The following MAST4 variants were observed in gnomAD, a reference collection of about 807,000 sequenced individuals.
MAST4 encodes the protein microtubule-associated serine/threonine-protein kinase 4.
A neutral mutation model predicts 162.7 loss-of-function variants in MAST4; 89 were observed. That is an observed-to-expected ratio of 0.55 (90% CI 0.46 to 0.65). MAST4 has a LOEUF of 0.65. Among genes scored for constraint, MAST4 ranks in the 30% least tolerant of loss-of-function variants. The probability of loss-of-function intolerance (pLI) is 0.00; values close to 1 mark genes in which losing one functional copy is unlikely to be tolerated. For missense variants in MAST4, 3,153 were observed against 3,374.0 expected (o/e 0.93, Z 1.62); for synonymous variants, 1,479 against 1,361.1 (o/e 1.09, Z -1.91).
intron 1 of MAST4, among the ~76,000 whole-genome samples, chr5:66,693,880 T>A (rs1437791135): frequency 6.6e-6 from 1 of 152,122 alleles, no homozygotes; most frequent in Non-Finnish European, 1.5e-5. Flanking sequence ...AAAGTTGTAG[T>A]GATCACACAA....
chr5:66,886,720 G>C (rs999737008), intron 3 of MAST4, among the ~76,000 whole-genome samples: 1 of 149,640 alleles, frequency 6.7e-6, no homozygotes, highest in Non-Finnish European at 1.5e-5. Flanking sequence ...GAAGAACTTG[G>C]TTAGTGTAAT....
intron 1 of MAST4, among the ~76,000 whole-genome samples, chr5:66,639,607 T>C (rs1454713540): frequency 2.0e-5 from 3 of 152,274 alleles, no homozygotes; most frequent in Admixed American, 1.3e-4. Context: ...TCAAATGCTT[T>C]TAATAATCAT....
chr5:66,977,482 T>G (rs1312461607), intron 4 of MAST4, among the ~76,000 whole-genome samples: 1 of 152,202 alleles, frequency 6.6e-6, no homozygotes, highest in Non-Finnish European at 1.5e-5. Context: ...ACTCAGAGCA[T>G]TTAATTTTTT....
At chr5:66,937,186 G>A (rs1742839054) in intron 4 of MAST4, among the ~76,000 whole-genome samples, 1 of 152,128 alleles carries the variant, frequency 6.6e-6, no homozygotes, top group Non-Finnish European at 1.5e-5. Context: ...TGCACATTTA[G>A]GTGTGAAAAA....
chr5:67,146,450 T>C (rs1038610490), intron 23 of MAST4, among the ~76,000 whole-genome samples: 9 of 152,212 alleles, frequency 5.9e-5, no homozygotes, highest in African/African-American at 2.2e-4. Flanking sequence ...TTATGCTTTT[T>C]CAAAAAATGA....
chr5:66,918,831 T>C (rs1190710998), intron 4 of MAST4, among the ~76,000 whole-genome samples: 1 of 152,176 alleles, frequency 6.6e-6, no homozygotes, highest in Non-Finnish European at 1.5e-5. Context: ...TTGAATGATA[T>C]ATATAATGAA....
chr5:66,910,787 T>C (rs1440615275), intron 4 of MAST4, among the ~76,000 whole-genome samples: 4 of 138,596 alleles, frequency 2.9e-5, no homozygotes, highest in Non-Finnish European at 6.1e-5. Flanking sequence ...AATCTCACTC[T>C]GTCACCAGGC....
chr5:67,162,937 T>A lies in MAST4; in HGVS notation c.3967+149T>A, dbSNP rs548720635. 3.0e-4 allele frequency: 308 copies of A among 1,011,732 alleles called. No homozygotes were observed. In the African/African-American group the frequency reaches 4.5e-3, roughly 15 times the overall value. The allele number at this position is 1,011,732 out of a possible 1,614,324, so 62.7% of individuals were successfully genotyped here. A position where few individuals can be genotyped will look rare whatever the true frequency, so the allele number is the denominator to read the frequency against. ...AGATTTATAGAGAGGTCATAAGATG[T>A]GGCTATTCTGACCAAACAAATAAGT... is the stretch of plus-strand genomic sequence containing the variant. On this transcript the variant is annotated intron_variant, in intron 28 of 28. Coordinates refer to ENST00000403625, the MANE Select transcript of MAST4 (RefSeq NM_001164664.2).
At chr5:66,950,653 A>G (rs773937258) in intron 4 of MAST4, among the ~76,000 whole-genome samples, 21 of 152,160 alleles carry the variant, frequency 1.4e-4, no homozygotes, top group Admixed American at 2.6e-4. Flanking sequence ...ATTCTATTGT[A>G]TGGGTAATAC....
In MAST4 at chr5:67,102,694, G is replaced by A. The variant is rs1349384343; in HGVS notation, c.1146+83G>A. On this transcript the variant is annotated intron_variant, in intron 9 of 28. Coordinates refer to ENST00000403625, the MANE Select transcript of MAST4 (RefSeq NM_001164664.2). ...AGTCTGTAAGGTTGTTTTGTTATAGGAAGTAAGGGTCCAATCTAGTAATGA... is the reference window on the plus strand; with the variant it reads ...AGTCTGTAAGGTTGTTTTGTTATAGAAAGTAAGGGTCCAATCTAGTAATGA... The A allele has an allele frequency of 9.4e-6, 10 of 1,065,426 alleles. No individual in the cohort carries two copies. The Admixed American group carries it at 1.8e-4, about 19-fold the overall frequency. The allele number at this position is 1,065,426 out of a possible 1,614,324, so 66.0% of individuals were successfully genotyped here.
intron 4 of MAST4, among the ~76,000 whole-genome samples, chr5:67,035,224 A>G (rs1046389972): frequency 2.6e-5 from 4 of 152,150 alleles, no homozygotes; most frequent in Admixed American, 2.0e-4. Context: ...CGTTGCTGTG[A>G]CTACTCAAGG....
At chr5:66,797,837 T>C (rs1334924879) in intron 3 of MAST4, among the ~76,000 whole-genome samples, 1 of 152,086 alleles carries the variant, frequency 6.6e-6, no homozygotes, top group Non-Finnish European at 1.5e-5. Flanking sequence ...TAGATAAAGG[T>C]GGACAGTGCA....
chr5:66,746,036 T>C (rs1752739042), intron 1 of MAST4, among the ~76,000 whole-genome samples: 1 of 152,162 alleles, frequency 6.6e-6, no homozygotes, highest in Admixed American at 6.5e-5. Flanking sequence ...GCACCAGTCA[T>C]CTTTCTAAAT....
chr5:66,988,475 A>T (rs1749744054), intron 4 of MAST4, among the ~76,000 whole-genome samples: 1 of 152,202 alleles, frequency 6.6e-6, no homozygotes, highest in African/African-American at 2.4e-5. Flanking sequence ...TAACAGTAAC[A>T]TGACTAACAT....
chr5:66,611,286 C>T (rs908484459), intron 1 of MAST4, among the ~76,000 whole-genome samples: 5 of 152,198 alleles, frequency 3.3e-5, no homozygotes, highest in Admixed American at 6.5e-5. Flanking sequence ...GTTCCAGCGG[C>T]GACCTTACAC....
At chr5:66,846,894 T>G (rs1758893497) in intron 3 of MAST4, among the ~76,000 whole-genome samples, 1 of 152,194 alleles carries the variant, frequency 6.6e-6, no homozygotes, top group Non-Finnish European at 1.5e-5. Context: ...TGCCTATAAC[T>G]TTGTATGACT....
intron 2 of MAST4, among the ~76,000 whole-genome samples, chr5:66,788,406 G>A (rs906552614): frequency 6.6e-6 from 1 of 152,082 alleles, no homozygotes; most frequent in East Asian, 1.9e-4. Context: ...ATAGGCAGAC[G>A]GGAAAAAAAC....
chr5:66,877,858 TG>T (rs1183378208), intron 3 of MAST4, among the ~76,000 whole-genome samples: 7 of 152,188 alleles, frequency 4.6e-5, no homozygotes, highest in African/African-American at 1.4e-4. Flanking sequence ...AACAACGTCA[TG>T]AAAAACATAA....
intron 5 of MAST4, among the ~76,000 whole-genome samples, chr5:67,055,446 G>A (rs1042458784): frequency 6.6e-6 from 1 of 152,128 alleles, no homozygotes; most frequent in African/African-American, 2.4e-5. Flanking sequence ...TAAATGCAGG[G>A]CTACCACTCT....
Sources: allele counts gnomAD v4.1 joint callset (sites outside exome capture counted in the v4.1 genomes callset), GRCh38; gene constraint gnomAD v4.1.1; transcripts MANE v1.5; gene names NCBI Gene and HGNC (gene_info 2026-07-23, HGNC 2026-07-21).